Variants in SYNE2 observed in about 807,000 individuals in gnomAD.
SYNE2 encodes spectrin repeat containing nuclear envelope protein 2, also known as nesprin-2.
Under a neutral mutation model 856.3 loss-of-function variants are expected in SYNE2, and 431 were observed. That is an observed-to-expected ratio of 0.50 (90% CI 0.47 to 0.55). SYNE2 has a LOEUF of 0.55. SYNE2 is among the 20% of genes least tolerant of loss of function. The pLI, the probability that SYNE2 is intolerant of heterozygous loss-of-function variation, is 0.00. For missense variants in SYNE2, 8,129 were observed against 8,023.2 expected, an observed-to-expected ratio of 1.01 and a Z score of -0.50; for synonymous variants, 2,923 against 2,872.3, an observed-to-expected ratio of 1.02 and a Z score of -0.56.
At chr14:64,127,241 G>A (rs145486792) in intron 73 of SYNE2, among the ~76,000 whole-genome samples, 25 of 151,768 alleles carry the variant, frequency 1.6e-4, no homozygotes, top group African/African-American at 5.3e-4. Flanking sequence ...AGCCTGAGCG[G>A]CAGAGCAAGA....
At chr14:63,850,912 G>A (rs1273456791), upstream of SYNE2, among the ~76,000 whole-genome samples, 1 of 152,142 alleles carries the variant, frequency 6.6e-6, no homozygotes, top group Non-Finnish European at 1.5e-5. Flanking sequence ...TGTAAAGAAA[G>A]CAATAGACAT....
chr14:63,880,297 G>A (rs2094829131), intron 1 of SYNE2, among the ~76,000 whole-genome samples: 1 of 152,048 alleles, frequency 6.6e-6, no homozygotes, highest in Non-Finnish European at 1.5e-5. Context: ...TCGCCATGTT[G>A]GCCAGGGTGG....
At chr14:64,098,972 T>C in intron 63 of SYNE2, 151 bp downstream of exon 63, 1 of 779,230 alleles carries the variant, frequency 1.3e-6, no homozygotes, top group Non-Finnish European at 2.1e-6. Context: ...TCTTATGTTA[T>C]TAATGTTTAA....
intron 1 of SYNE2, among the ~76,000 whole-genome samples, chr14:63,878,955 T>C (rs2094793638): frequency 6.6e-6 from 1 of 152,258 alleles, no homozygotes; most frequent in South Asian, 2.1e-4. Context: ...TGGTGGCTCA[T>C]GCCTTGATCC....
At chr14:64,224,750 C>T (rs780624109) in intron 114 of SYNE2, among the ~76,000 whole-genome samples, 5 of 152,072 alleles carry the variant, frequency 3.3e-5, no homozygotes, top group Non-Finnish European at 7.4e-5. Context: ...CTTATAGTGT[C>T]GCTAAAGGGG....
At chr14:63,893,934 C>T (rs774896411) in intron 1 of SYNE2, among the ~76,000 whole-genome samples, 4 of 152,202 alleles carry the variant, frequency 2.6e-5, no homozygotes, top group Non-Finnish European at 5.9e-5. Context: ...CTCCAGCCAG[C>T]TTGGCTGGGA....
chr14:64,011,052 T>G (rs958662418), intron 32 of SYNE2, among the ~76,000 whole-genome samples: 2 of 152,256 alleles, frequency 1.3e-5, no homozygotes, highest in African/African-American at 4.8e-5. Flanking sequence ...TATTAAACTT[T>G]CCAGTTGTCA....
rs1381652852 is a variant in SYNE2 at position 64,159,435 on chromosome 14, C to A, written c.16087C>A (p.His5363Asn). 3.7e-6 allele frequency: 6 copies of A among 1,613,518 alleles called. No individual in the cohort carries two copies. Among genetic ancestry groups the A allele is most frequent in the Non-Finnish European group, 5.1e-6 (6 of 1,179,750 alleles). Residue 5363 changes from histidine to asparagine, a missense_variant, in exon 87 of 116, where the codon CAT (histidine) becomes AAT (asparagine). His to Asn is a moderately conservative substitution (Grantham distance 68). This residue lies in a region of SYNE2 where 5,410 missense variants were observed against 5,284.8 expected (regional missense o/e 1.02). Transcript: ENST00000555002. The part of the protein sequence containing the change: ...EIIEEKCQNT[H>N]KRWTQVNQAI... Reference sequence around the variant, plus strand: ...AATCGAAGAGAAATGCCAAAATACTCATAAAAGGTATGCTTTCAGATATAA... The same window carrying A: ...AATCGAAGAGAAATGCCAAAATACTAATAAAAGGTATGCTTTCAGATATAA...
Position 63,995,189 on chromosome 14 carries a change from T to C in SYNE2, c.2927T>C (p.Ile976Thr), listed in dbSNP as rs747920761. 1.2e-6 allele frequency: 2 copies of C among 1,607,328 alleles called. No individual in the cohort carries two copies. The highest frequency in any genetic ancestry group is 2.2e-5 in the South Asian group (2 of 90,492). The change falls in exon 23 of 116, where the codon ATC becomes ACC. Residue 976 changes from isoleucine (I) to threonine (T), a missense_variant. Around this residue, in one of 3 missense-constraint regions of SYNE2, gnomAD observed 2,422 missense variants for 2,357.4 expected, o/e 1.03. Transcript: ENST00000555002. ...CGTAGAGGAAGGACCAAGGGTCTCA[T>C]CAAAGAACATGAGGTACAATAAAGT... Reference protein sequence around the residue: ...LIRRGRTKGLIKEHEACFSEE... With the variant: ...LIRRGRTKGLTKEHEACFSEE...
chr14:64,156,826 A>G (rs2098290277), intron 85 of SYNE2, among the ~76,000 whole-genome samples: 2 of 152,236 alleles, frequency 1.3e-5, no homozygotes, highest in African/African-American at 4.8e-5. Context: ...TTGTAAAGAC[A>G]TTCAGTCCAC....
chr14:64,073,090 A>G (rs977560091), intron 52 of SYNE2, among the ~76,000 whole-genome samples: 5 of 152,060 alleles, frequency 3.3e-5, no homozygotes, highest in African/African-American at 4.8e-5. Flanking sequence ...GGGTTTTTTT[A>G]TGGAGACTTC....
chr14:63,974,348 G>C (rs1053263192), intron 11 of SYNE2, among the ~76,000 whole-genome samples: 2 of 152,082 alleles, frequency 1.3e-5, no homozygotes, highest in African/African-American at 4.8e-5. Context: ...GGAAGGCAAA[G>C]GGGAGCTTTT....
chr14:63,851,485 T>C (rs997296952), upstream of SYNE2, among the ~76,000 whole-genome samples: 2 of 152,172 alleles, frequency 1.3e-5, no homozygotes, highest in Admixed American at 1.3e-4. Flanking sequence ...AGTGATACCA[T>C]TGGAAGGATA....
intron 61 of SYNE2, 122 bp from the exon 62 acceptor site, chr14:64,097,827 C>T: frequency 1.1e-6 from 1 of 952,064 alleles, no homozygotes; most frequent in Non-Finnish European, 1.7e-6. Flanking sequence ...AGACTAGCTT[C>T]TGGCTTTGTA....
intron 74 of SYNE2, 58 bp from the exon 75 acceptor site, chr14:64,129,724 A>C: frequency 6.2e-7 from 1 of 1,610,372 alleles, no homozygotes; most frequent in South Asian, 1.1e-5. Flanking sequence ...TTAGATAACT[A>C]TGTGTACTTC....
chr14:64,173,893 T>C (rs2098422101), intron 94 of SYNE2: 1 of 675,464 alleles, frequency 1.5e-6, no homozygotes, highest in Admixed American at 2.4e-5. Context: ...TTCAATCTCT[T>C]TAAAGAACGC....
intron 1 of SYNE2, among the ~76,000 whole-genome samples, chr14:63,805,684 G>A (rs1163192317): frequency 1.3e-5 from 2 of 152,198 alleles, no homozygotes; most frequent in African/African-American, 4.8e-5. Flanking sequence ...TCACTGTAGA[G>A]ATCTTTCACT....
At chr14:63,808,981 C>A (rs1262722483) in intron 1 of SYNE2, among the ~76,000 whole-genome samples, 1 of 152,146 alleles carries the variant, frequency 6.6e-6, no homozygotes, top group African/African-American at 2.4e-5. Context: ...TGAGATCGCA[C>A]CACTGCACTC....
intron 57 of SYNE2, among the ~76,000 whole-genome samples, chr14:64,083,137 C>T (rs1595397405): frequency 6.6e-6 from 1 of 152,244 alleles, no homozygotes; most frequent in East Asian, 1.9e-4. Flanking sequence ...GACCTCAGAC[C>T]TCCCTGACGT....
Sources: gnomAD v4.1 joint callset for allele counts (sites outside exome capture counted in the v4.1 genomes callset) on GRCh38, gnomAD v4.1.1 for gene constraint, gnomAD v4.1.1 regional missense constraint, MANE v1.5 for transcripts, NCBI Gene and HGNC (gene_info 2026-07-23, HGNC 2026-07-21) for gene names.